Variants in PTPRN2 observed in about 807,000 individuals in gnomAD.
PTPRN2 encodes receptor-type tyrosine-protein phosphatase N2.
A neutral mutation model predicts 118.8 loss-of-function variants in PTPRN2; 74 were observed. The ratio of observed to expected loss-of-function variants is 0.62; its 90% CI spans 0.52 to 0.76. The LOEUF (loss-of-function observed/expected upper bound fraction) is 0.76. PTPRN2 is among the 30% of genes least tolerant of loss of function. The pLI is 0.00. For synonymous variants in PTPRN2, 641 were observed against 608.0 expected, an observed-to-expected ratio of 1.05 and a Z score of -0.80; for missense variants, 1,481 against 1,394.4, an observed-to-expected ratio of 1.06 and a Z score of -0.99.
At position 157,591,752 on chromosome 7, in the gene PTPRN2, G is replaced by A. The variant is rs1470357542; in HGVS notation, c.2496+3486C>T. The stretch of plus-strand genomic sequence containing the variant: ...CGGTTTAGAGGCCTCCCAGGCAAAT[G>A]TGACTGTGCTAGGAAGCAACTCTCC... On this transcript the variant is annotated intron_variant, in intron 17 of 22. Transcript: ENST00000389418. The surrounding 1 kb of genome is among the most constrained non-coding windows in gnomAD (Gnocchi z 4.4). 6.6e-6 allele frequency among the ~76,000 whole-genome samples: 1 copy of A among 152,236 alleles called. No homozygotes were observed. The highest frequency in any genetic ancestry group is 1.5e-5 in the Non-Finnish European group (1 of 68,038).
At position 157,615,894 on chromosome 7, in the gene PTPRN2, G is replaced by A. The variant is rs139771264; in HGVS notation, c.2344+5468C>T. 2.8e-3 allele frequency: 931 copies of A among 326,690 alleles called. 14 individuals carry two copies. In the East Asian group the frequency reaches 0.029, roughly 10 times the overall value. 20.2% of individuals were successfully genotyped at this position (326,690 alleles called of 1,614,324 possible). A position where few individuals can be genotyped will look rare whatever the true frequency, so the allele number is the denominator to read the frequency against. On this transcript the variant is annotated intron_variant, in intron 15 of 22. Coordinates refer to ENST00000389418, the MANE Select transcript of PTPRN2 (RefSeq NM_002847.5). This position sits in a 1 kb window ranked among gnomAD's most constrained non-coding sequence, Gnocchi z 4.3. ...AAAGACTCTGGATGTTAGTGGGTTC[G>A]GCCTCAGAATCAGCCGGCGCTGAGA...
At chr7:158,354,750 C>T (rs575806050) in intron 2 of PTPRN2, among the ~76,000 whole-genome samples, 2 of 152,142 alleles carry the variant, frequency 1.3e-5, no homozygotes, top group East Asian at 3.9e-4. Flanking sequence ...ACAAGAGGTA[C>T]CAAGCTTACT....
intron 12 of PTPRN2, among the ~76,000 whole-genome samples, chr7:157,772,920 T>C (rs1421346449): frequency 1.3e-5 from 2 of 152,164 alleles, no homozygotes; most frequent in Non-Finnish European, 2.9e-5. Context: ...GCCTGGGTGA[T>C]ATGGTCCAGG....
intron 2 of PTPRN2, among the ~76,000 whole-genome samples, chr7:158,326,697 C>T (rs1438413126): frequency 6.6e-6 from 1 of 151,810 alleles, no homozygotes. Context: ...CACACATGCA[C>T]ACATCCTCAC....
chr7:158,321,976 C>G (rs1366386118), intron 2 of PTPRN2, among the ~76,000 whole-genome samples: 1 of 152,238 alleles, frequency 6.6e-6, no homozygotes, highest in African/African-American at 2.4e-5. Flanking sequence ...GCGCGGAAGC[C>G]TAACCCCCAG....
chr7:158,071,407 A>C (rs1201367386), intron 11 of PTPRN2, among the ~76,000 whole-genome samples: 1 of 44,286 alleles, frequency 2.3e-5, no homozygotes, highest in Admixed American at 2.7e-4. Flanking sequence ...CTCGTGGTGG[A>C]GTTGCTCCTG....
intron 2 of PTPRN2, among the ~76,000 whole-genome samples, chr7:158,439,161 A>G (rs1266493792): frequency 1.3e-5 from 2 of 152,184 alleles, no homozygotes; most frequent in Admixed American, 1.3e-4. Flanking sequence ...TATGTCTTAC[A>G]CATATTGATT....
intron 5 of PTPRN2, among the ~76,000 whole-genome samples, chr7:158,169,329 G>C (rs1175939975): frequency 6.6e-6 from 1 of 151,582 alleles, no homozygotes; most frequent in Non-Finnish European, 1.5e-5. Context: ...TACAACCTCT[G>C]CCTCCTTGGT....
intron 3 of PTPRN2, among the ~76,000 whole-genome samples, chr7:158,230,966 A>T (rs2150822817): frequency 6.6e-6 from 1 of 152,320 alleles, no homozygotes; most frequent in Non-Finnish European, 1.5e-5. Flanking sequence ...GACTGAAAGG[A>T]ATAGAAAAAT....
chr7:158,587,497 C>T (rs901832453), intron 1 of PTPRN2, 61 bp downstream of exon 1: 3 of 1,128,366 alleles, frequency 2.7e-6, no homozygotes, highest in African/African-American at 1.8e-5. Flanking sequence ...CGGAGGCGCC[C>T]CTCTCACAAC....
In PTPRN2 at chr7:158,192,308, G is replaced by A. The variant is rs1825828313; in HGVS notation, c.549+19C>T. 2 of 1,451,904 alleles carry A rather than the reference G, an allele frequency of 1.4e-6. No homozygotes were observed. The highest frequency in any genetic ancestry group is 2.8e-5 in the East Asian group (1 of 36,242). 89.9% of individuals were successfully genotyped at this position (1,451,904 alleles called of 1,614,324 possible). On this transcript the variant is annotated intron_variant, in intron 5 of 22. Transcript: ENST00000389418. Reference sequence around the variant, plus strand: ...AAGGAAAAGCCAACCCCGGCCCGGGGAGGAAGTGGAAGGGTCACCTCAGCG... The same window carrying A: ...AAGGAAAAGCCAACCCCGGCCCGGGAAGGAAGTGGAAGGGTCACCTCAGCG...
intron 2 of PTPRN2, among the ~76,000 whole-genome samples, chr7:158,378,958 T>C (rs1462173376): frequency 6.6e-6 from 1 of 152,192 alleles, no homozygotes; most frequent in Admixed American, 6.5e-5. Flanking sequence ...GTGAATTTGT[T>C]ATTAATAAGT....
At chr7:157,704,454 G>A (rs1440568224) in intron 12 of PTPRN2, among the ~76,000 whole-genome samples, 2 of 152,222 alleles carry the variant, frequency 1.3e-5, no homozygotes, top group Non-Finnish European at 2.9e-5. Context: ...AATATAAAGA[G>A]GAAAAATGAT....
At chr7:158,577,127 C>T (rs1828373767) in intron 1 of PTPRN2, among the ~76,000 whole-genome samples, 1 of 133,694 alleles carries the variant, frequency 7.5e-6, no homozygotes, top group South Asian at 2.6e-4. Context: ...GGCTCCCAGC[C>T]CTCCTGAATG....
At chr7:158,066,212 C>T (rs546706868) in intron 11 of PTPRN2, among the ~76,000 whole-genome samples, 5 of 152,374 alleles carry the variant, frequency 3.3e-5, no homozygotes, top group African/African-American at 9.6e-5. Flanking sequence ...TGTGCCCCCT[C>T]TGCCTCCCTC....
At chr7:158,080,397 G>A (rs1047919040) in intron 11 of PTPRN2, among the ~76,000 whole-genome samples, 13 of 145,758 alleles carry the variant, frequency 8.9e-5, no homozygotes, top group African/African-American at 2.8e-4. Flanking sequence ...GTCATTTCCC[G>A]CTGTGGCTGG....
chr7:157,653,760 G>A lies in PTPRN2; in HGVS notation c.2196+2597C>T, dbSNP rs527385675. ...GGAGACGCCAGGGTCCAAGGCCCACGTCTGGCCCACTTGGTTGCTGGACTC... is the reference window on the plus strand; with the variant it reads ...GGAGACGCCAGGGTCCAAGGCCCACATCTGGCCCACTTGGTTGCTGGACTC... On this transcript the variant is annotated intron_variant, in intron 14 of 22. Coordinates refer to ENST00000389418, the MANE Select transcript of PTPRN2 (RefSeq NM_002847.5). Among the ~76,000 whole-genome samples, 45 of 152,094 alleles carry A rather than the reference G, an allele frequency of 3.0e-4. 1 individual carries two copies. Among genetic ancestry groups the A allele is most frequent in the Admixed American group, 2.7e-3 (41 of 15,280 alleles).
At chr7:157,843,733 T>C (rs935223961) in intron 12 of PTPRN2, among the ~76,000 whole-genome samples, 2 of 152,238 alleles carry the variant, frequency 1.3e-5, no homozygotes, top group African/African-American at 4.8e-5. Context: ...AATATCATGA[T>C]ACTTACGGTT....
At chr7:158,481,108 G>A (rs985562069) in intron 2 of PTPRN2, among the ~76,000 whole-genome samples, 4 of 152,244 alleles carry the variant, frequency 2.6e-5, no homozygotes, top group African/African-American at 9.6e-5. Flanking sequence ...CAAAGCACAG[G>A]CTGGCTCTCT....
Sources: allele counts gnomAD v4.1 joint callset (sites outside exome capture counted in the v4.1 genomes callset), GRCh38; gene constraint gnomAD v4.1.1; non-coding constraint Gnocchi (gnomAD v3.1); transcripts MANE v1.5; gene names NCBI Gene and HGNC (gene_info 2026-07-23, HGNC 2026-07-21).